DOCK3: variants seen among roughly 807,000 people sequenced by gnomAD.
The protein encoded by DOCK3 is dedicator of cytokinesis protein 3.
In DOCK3, 60 loss-of-function variants were observed where a neutral mutation model predicts 265.6. The ratio of observed to expected loss-of-function variants is 0.23; its 90% CI spans 0.18 to 0.28. The LOEUF (loss-of-function observed/expected upper bound fraction) is 0.28, where lower values mean the gene tolerates loss of function less well. DOCK3 is among the 10% of genes least tolerant of loss of function. The probability of loss-of-function intolerance (pLI) is 1.00; values close to 1 mark genes in which losing one functional copy is unlikely to be tolerated. For synonymous variants in DOCK3, 881 were observed against 938.0 expected (o/e 0.94, Z 1.11); for missense variants, 1,981 against 2,594.3 (o/e 0.76, Z 5.14).
intron 27 of DOCK3, among the ~76,000 whole-genome samples, chr3:51,291,823 G>A (rs1023773363): frequency 6.6e-6 from 1 of 152,122 alleles, no homozygotes; most frequent in African/African-American, 2.4e-5. Context: ...CAGTAACATG[G>A]ATTAATATGA....
At chr3:50,760,546 T>C (rs2108383257) in intron 1 of DOCK3, among the ~76,000 whole-genome samples, 1 of 152,338 alleles carries the variant, frequency 6.6e-6, no homozygotes, top group East Asian at 1.9e-4. Context: ...TGTTAGATGA[T>C]TTTGTGCAGC....
At chr3:50,861,870 T>C (rs116779882) in intron 3 of DOCK3, among the ~76,000 whole-genome samples, 1 of 151,528 alleles carries the variant, frequency 6.6e-6, no homozygotes, top group Admixed American at 6.6e-5. Flanking sequence ...TTTTTTTTTT[T>C]AAATACAAAT....
At chr3:50,887,025 A>G (rs2048377700) in intron 3 of DOCK3, among the ~76,000 whole-genome samples, 1 of 152,142 alleles carries the variant, frequency 6.6e-6, no homozygotes. Context: ...AGCAGAACTG[A>G]AGGAAATAGA....
At chr3:50,764,302 G>C (rs2040723660) in intron 1 of DOCK3, among the ~76,000 whole-genome samples, 1 of 152,088 alleles carries the variant, frequency 6.6e-6, no homozygotes, top group South Asian at 2.1e-4. Context: ...TTCTGCATCT[G>C]TGGATTCAAC....
Position 50,846,981 on chromosome 3 carries a change from G to A in DOCK3, c.162+5266G>A, listed in dbSNP as rs542927929. ...GTGTGGATTTTGGGTTCTCAATTTT[G>A]TTCAGTTCTGCTCTGATTTTAGTTA... is the stretch of plus-strand genomic sequence containing the variant. On this transcript the variant is annotated intron_variant, in intron 3 of 52. Transcript: ENST00000266037. Among the ~76,000 whole-genome samples, 5 of 151,960 alleles carry A rather than the reference G, an allele frequency of 3.3e-5. No homozygotes were observed. The South Asian group carries it at 1.0e-3, about 32-fold the overall frequency.
chr3:50,823,479 G>A (rs1344914715), intron 2 of DOCK3, among the ~76,000 whole-genome samples: 1 of 152,182 alleles, frequency 6.6e-6, no homozygotes, highest in Admixed American at 6.5e-5. Flanking sequence ...GCACAGGGTT[G>A]GGGGTAAGGT....
intron 48 of DOCK3, among the ~76,000 whole-genome samples, chr3:51,362,241 C>A (rs900170185): frequency 1.3e-5 from 2 of 152,200 alleles, no homozygotes; most frequent in Non-Finnish European, 2.9e-5. Context: ...GGAGATCCCA[C>A]GGGAAAGATC....
At position 50,788,867 on chromosome 3, in the gene DOCK3, C is replaced by T. The variant is rs1176382222; in HGVS notation, c.121+10109C>T. Among the ~76,000 whole-genome samples the T allele has an allele frequency of 3.9e-5, 6 of 152,336 alleles. No homozygotes were observed. In the East Asian group the frequency reaches 1.2e-3, roughly 29 times the overall value. ...GCGAGTGGCTGCGAGGGCGCGTGCC[C>T]GCCCCGTCCCCTTCCTTTGTTGGCC... On this transcript the variant is annotated intron_variant, in intron 2 of 52. Transcript: ENST00000266037.
At chr3:50,893,512 C>T (rs1011881336) in intron 4 of DOCK3, among the ~76,000 whole-genome samples, 3 of 151,978 alleles carry the variant, frequency 2.0e-5, no homozygotes, top group African/African-American at 7.2e-5. Context: ...CAACAGCATT[C>T]TTGATCAAAT....
chr3:50,970,727 CTT>C (rs140767114), intron 5 of DOCK3, among the ~76,000 whole-genome samples: 3 of 129,618 alleles, frequency 2.3e-5, no homozygotes, highest in African/African-American at 5.7e-5. Context: ...CTCATTGAGC[CTT>C]TTTTTTTTTT....
intron 1 of DOCK3, among the ~76,000 whole-genome samples, chr3:50,708,435 T>A (rs2036551192): frequency 6.6e-6 from 1 of 152,144 alleles, no homozygotes; most frequent in Non-Finnish European, 1.5e-5. Flanking sequence ...AGCTGGTGTG[T>A]CTTGATGCTT....
chr3:51,152,394 A>G (rs1167859817), intron 10 of DOCK3, among the ~76,000 whole-genome samples: 6 of 152,106 alleles, frequency 3.9e-5, no homozygotes, highest in Admixed American at 3.3e-4. Context: ...GCCATTCATC[A>G]AATCTTTTTT....
chr3:50,887,062 A>G (rs1049068772), intron 3 of DOCK3, among the ~76,000 whole-genome samples: 3 of 152,130 alleles, frequency 2.0e-5, no homozygotes, highest in Non-Finnish European at 4.4e-5. Flanking sequence ...CAAAAAATTA[A>G]TGAATCCAGG....
At chr3:51,135,901 G>A (rs1486946300) in intron 9 of DOCK3, among the ~76,000 whole-genome samples, 1 of 151,930 alleles carries the variant, frequency 6.6e-6, no homozygotes, top group Non-Finnish European at 1.5e-5. Flanking sequence ...GTAGAGACAG[G>A]ATCTCGCCAT....
chr3:50,830,708 G>A (rs541389194), intron 2 of DOCK3, among the ~76,000 whole-genome samples: 1 of 152,292 alleles, frequency 6.6e-6, no homozygotes, highest in South Asian at 2.1e-4. Context: ...AATTGTAGTG[G>A]TACTGTTGGC....
intron 4 of DOCK3, chr3:50,901,020 C>A: frequency 2.7e-6 from 1 of 364,964 alleles, no homozygotes; most frequent in Non-Finnish European, 5.3e-6. Flanking sequence ...GAGATTCGCT[C>A]CTCTCTTCAG....
intron 5 of DOCK3, among the ~76,000 whole-genome samples, chr3:51,013,841 C>G (rs913495502): frequency 2.0e-5 from 3 of 152,198 alleles, no homozygotes; most frequent in Non-Finnish European, 4.4e-5. Context: ...GTTTGAGCTT[C>G]CTGGCCACTT....
At chr3:51,275,241 T>C in intron 25 of DOCK3, 35 bp downstream of exon 25, 1 of 1,611,836 alleles carries the variant, frequency 6.2e-7, no homozygotes, top group Non-Finnish European at 8.5e-7. Flanking sequence ...CCTGTTCAGC[T>C]CTTCCCTAGT....
chr3:50,975,706 C>T (rs529328658), intron 5 of DOCK3, among the ~76,000 whole-genome samples: 149 of 152,300 alleles, frequency 9.8e-4, no homozygotes, highest in Non-Finnish European at 1.6e-3. Context: ...GGAATAGTTT[C>T]AGAAGGAATG....
Sources: gnomAD v4.1 joint callset for allele counts (sites outside exome capture counted in the v4.1 genomes callset) on GRCh38, gnomAD v4.1.1 for gene constraint, MANE v1.5 for transcripts, NCBI Gene and HGNC (gene_info 2026-07-23, HGNC 2026-07-21) for gene names.